TCF7L2: variants seen among roughly 807,000 people sequenced by gnomAD.
TCF7L2 encodes transcription factor 7-like 2.
In TCF7L2, 23 loss-of-function variants were observed where a neutral mutation model predicts 77.9. That is an observed-to-expected ratio of 0.30 (90% confidence interval 0.21 to 0.42). The LOEUF is 0.42. TCF7L2 is among the 10% of genes least tolerant of loss of function. The pLI, the probability that TCF7L2 is intolerant of heterozygous loss-of-function variation, is 1.00. For synonymous variants in TCF7L2, 413 were observed against 340.2 expected (o/e 1.21, Z -2.36); for missense variants, 654 against 793.1 (o/e 0.82, Z 2.11).
At chr10:113,092,866 T>TG (rs940995225) in intron 5 of TCF7L2, among the ~76,000 whole-genome samples, 2 of 151,792 alleles carry the variant, frequency 1.3e-5, no homozygotes, top group African/African-American at 2.4e-5. Flanking sequence ...CTCCCTCGGC[T>TG]GGGGGGGTTG....
At chr10:113,121,271 C>G (rs2064728802) in intron 5 of TCF7L2, among the ~76,000 whole-genome samples, 2 of 152,174 alleles carry the variant, frequency 1.3e-5, no homozygotes, top group Non-Finnish European at 2.9e-5. Flanking sequence ...CCGCCCTCTT[C>G]CTTCCTTCCT....
intron 5 of TCF7L2, among the ~76,000 whole-genome samples, chr10:113,103,934 A>T (rs1284606353): frequency 6.6e-6 from 1 of 151,898 alleles, no homozygotes; most frequent in Non-Finnish European, 1.5e-5. Context: ...TGTAGCTGGG[A>T]CTCTTGGTTT....
chr10:113,031,049 C>T lies in TCF7L2; in HGVS notation c.451-8976C>T, dbSNP rs146159790. On this transcript the variant is annotated intron_variant, in intron 4 of 13. Transcript: ENST00000627217. ...CTGGGCACCCATTGGCCATTCTGCC[C>T]GTAAGCTCAGTAGGGTGTAGGCAAA... is the stretch of plus-strand genomic sequence containing the variant. Among the ~76,000 whole-genome samples the T allele has an allele frequency of 2.6e-3, 403 of 152,280 alleles. 2 individuals are homozygous for T. Among genetic ancestry groups the T allele is most frequent in the African/African-American group, 9.0e-3 (372 of 41,552 alleles).
In TCF7L2 at chr10:113,113,595, C is replaced by T. The variant is rs2063396113; in HGVS notation, c.553-27589C>T. 2.0e-5 allele frequency among the ~76,000 whole-genome samples: 3 copies of T among 152,144 alleles called. No homozygotes were observed. The South Asian group carries it at 6.2e-4, about 32-fold the overall frequency. ...TGTTCACCCCCTTTAGAATTTGTGA[C>T]CCTTTGTCCTTGTTAGTCTTGATGG... is the stretch of plus-strand genomic sequence containing the variant. On this transcript the variant is annotated intron_variant, in intron 5 of 13. Transcript: ENST00000627217.
At chr10:112,965,195 C>G (rs890219569) in intron 4 of TCF7L2, among the ~76,000 whole-genome samples, 1 of 152,158 alleles carries the variant, frequency 6.6e-6, no homozygotes, top group Non-Finnish European at 1.5e-5. Context: ...ATGTATGACA[C>G]TAAATGTGCT....
intron 5 of TCF7L2, among the ~76,000 whole-genome samples, chr10:113,123,097 C>T (rs1049767737): frequency 1.3e-5 from 2 of 152,192 alleles, no homozygotes; most frequent in African/African-American, 4.8e-5. Flanking sequence ...CTGTGCTAGA[C>T]TTTGAAGTCA....
At chr10:113,121,742 A>AAC (rs10543361) in intron 5 of TCF7L2, among the ~76,000 whole-genome samples, 3 of 150,848 alleles carry the variant, frequency 2.0e-5, no homozygotes, top group Non-Finnish European at 4.4e-5. Context: ...ACATACACAC[A>AAC]ACACACACAC....
At chr10:113,156,394 G>A (rs1349237338) in intron 11 of TCF7L2, among the ~76,000 whole-genome samples, 3 of 152,328 alleles carry the variant, frequency 2.0e-5, no homozygotes, top group Middle Eastern at 3.4e-3. Flanking sequence ...GATTACAGGC[G>A]TGAGCCACCG....
At chr10:113,027,411 A>G (rs2133991385) in intron 4 of TCF7L2, among the ~76,000 whole-genome samples, 1 of 152,278 alleles carries the variant, frequency 6.6e-6, no homozygotes, top group East Asian at 1.9e-4. Context: ...CTCTCTCTCC[A>G]GGGAGAAAGT....
intron 5 of TCF7L2, among the ~76,000 whole-genome samples, chr10:113,119,084 C>A (rs1226542009): frequency 6.6e-6 from 1 of 152,106 alleles, no homozygotes; most frequent in Non-Finnish European, 1.5e-5. Context: ...TGAACCAGTG[C>A]GGAAGTTAAT....
chr10:113,065,020 A>G (rs1215196699), intron 5 of TCF7L2, among the ~76,000 whole-genome samples: 2 of 151,982 alleles, frequency 1.3e-5, no homozygotes, highest in Admixed American at 1.3e-4. Flanking sequence ...GGCTTTGTGT[A>G]GAGGATGGTG....
intron 5 of TCF7L2, among the ~76,000 whole-genome samples, chr10:113,117,416 T>C (rs1351045530): frequency 1.6e-3 from 69 of 42,690 alleles, no homozygotes; most frequent in East Asian, 3.0e-3. Context: ...TCTCTCTCTC[T>C]CTCTCTCTCT....
intron 5 of TCF7L2, among the ~76,000 whole-genome samples, chr10:113,135,313 G>T (rs990863041): frequency 1.3e-5 from 2 of 152,082 alleles, no homozygotes; most frequent in African/African-American, 2.4e-5. Context: ...CCCCACTGTA[G>T]TCGATGAATA....
At chr10:113,129,811 G>A (rs1282094996) in intron 5 of TCF7L2, 24 of 1,288,448 alleles carry the variant, frequency 1.9e-5, no homozygotes, top group South Asian at 3.7e-5. Context: ...GTCCCATCTC[G>A]AAGGTACAGA....
chr10:113,059,928 C>T (rs556824079), intron 5 of TCF7L2, among the ~76,000 whole-genome samples: 1 of 152,216 alleles, frequency 6.6e-6, no homozygotes, highest in South Asian at 2.1e-4. Flanking sequence ...TGTGAAGGAA[C>T]AGCAGGGTGT....
In TCF7L2 at chr10:113,151,170, G is replaced by T; in HGVS notation, c.1001+47G>T. The stretch of plus-strand genomic sequence containing the variant: ...ACCTTCTTCGTAGCCGCAGTGTTCT[G>T]CAAGCCTGTTGCAGCTGCTGGGTGG... On this transcript the variant is annotated intron_variant, in intron 9 of 13. Transcript: ENST00000627217. This position sits in a 1 kb window ranked among gnomAD's most constrained non-coding sequence, Gnocchi z 5.2. 6.2e-7 allele frequency: 1 copy of T among 1,611,932 alleles called. No homozygotes were observed.
Position 113,133,914 on chromosome 10 carries a change from C to T in TCF7L2, c.553-7270C>T, listed in dbSNP as rs2066989494. Among the ~76,000 whole-genome samples, 3 of 152,308 alleles carry T rather than the reference C, an allele frequency of 2.0e-5. No homozygotes were observed. The South Asian group carries it at 6.2e-4, about 32-fold the overall frequency. Reference sequence around the variant, plus strand: ...CTGCAGCCTGCGGGGGTAGGTTCTGCAGCAGCCCGGCCAGAGGATGCAGGC... The same window carrying T: ...CTGCAGCCTGCGGGGGTAGGTTCTGTAGCAGCCCGGCCAGAGGATGCAGGC... On this transcript the variant is annotated intron_variant, in intron 5 of 13. Transcript: ENST00000627217.
chr10:112,951,429 C>T (rs2031214974), intron 2 of TCF7L2, 54 bp from the exon 3 acceptor site: 1 of 1,339,732 alleles, frequency 7.5e-7, no homozygotes, highest in Non-Finnish European at 9.8e-7. Context: ...TTTCTCCTCA[C>T]TCTCTCCCGC....
intron 4 of TCF7L2, among the ~76,000 whole-genome samples, chr10:112,985,604 C>G (rs138469900): frequency 6.6e-6 from 1 of 152,128 alleles, no homozygotes; most frequent in Admixed American, 6.5e-5. Context: ...TCTTGATCCC[C>G]TTATGTTCGG....
Sources: allele counts gnomAD v4.1 joint callset (sites outside exome capture counted in the v4.1 genomes callset), GRCh38; gene constraint gnomAD v4.1.1; non-coding constraint Gnocchi (gnomAD v3.1); transcripts MANE v1.5; gene names NCBI Gene and HGNC (gene_info 2026-07-23, HGNC 2026-07-21).